Variants in SPIDR observed in about 807,000 individuals in gnomAD.
SPIDR encodes DNA repair-scaffolding protein.
In SPIDR, 93 loss-of-function variants were observed where a neutral mutation model predicts 104.6. The observed-to-expected ratio is 0.89, with a 90% CI of 0.75 to 1.06. The LOEUF is 1.06. SPIDR is among the 50% of genes least tolerant of loss of function. The pLI is 0.00. For missense variants in SPIDR, 1,154 were observed against 1,111.2 expected (o/e 1.04, Z -0.55); for synonymous variants, 431 against 416.9 (o/e 1.03, Z -0.41).
chr8:47,319,121 A>T lies in SPIDR; in HGVS notation c.525+25091A>T, dbSNP rs938106380. On this transcript the variant is annotated intron_variant, in intron 5 of 19. Coordinates refer to ENST00000297423, the MANE Select transcript of SPIDR (RefSeq NM_001080394.4). ...ATTAACCTTAAATGTAAATGGGCTA[A>T]ATGCTCCAATAAAAAGACACAGACT... is the stretch of plus-strand genomic sequence containing the variant. Among the ~76,000 whole-genome samples, 4 of 152,196 alleles carry T rather than the reference A, an allele frequency of 2.6e-5. No homozygotes were observed. The South Asian group carries it at 8.3e-4, about 31-fold the overall frequency.
At chr8:47,592,633 C>T in intron 8 of SPIDR, 1 of 1,077,084 alleles carries the variant, frequency 9.3e-7, no homozygotes, top group Non-Finnish European at 1.4e-6. Flanking sequence ...AGTTCGGCCT[C>T]TGGTCTAGTC....
At chr8:47,347,854 A>G (rs1398641033) in intron 5 of SPIDR, among the ~76,000 whole-genome samples, 1 of 151,770 alleles carries the variant, frequency 6.6e-6, no homozygotes, top group East Asian at 1.9e-4. Flanking sequence ...TTTGCAGGTG[A>G]GTTGGGTCTC....
At chr8:47,428,057 G>C (rs1017590968) in intron 7 of SPIDR, among the ~76,000 whole-genome samples, 1 of 152,198 alleles carries the variant, frequency 6.6e-6, no homozygotes, top group Non-Finnish European at 1.5e-5. Flanking sequence ...TGAGTAGTTG[G>C]GATTACAGAC....
intron 8 of SPIDR, among the ~76,000 whole-genome samples, chr8:47,460,675 C>T (rs782708810): frequency 1.1e-4 from 16 of 152,136 alleles, no homozygotes; most frequent in African/African-American, 2.4e-4. Flanking sequence ...ATGTGAGGTA[C>T]TGTTTCATTC....
chr8:47,598,266 G>A (rs1268285071), intron 9 of SPIDR, among the ~76,000 whole-genome samples: 1 of 152,220 alleles, frequency 6.6e-6, no homozygotes, highest in Non-Finnish European at 1.5e-5. Context: ...TCCTGCCTCA[G>A]CCACTTCCTG....
intron 8 of SPIDR, among the ~76,000 whole-genome samples, chr8:47,518,531 A>T (rs1227257603): frequency 6.6e-6 from 1 of 152,046 alleles, no homozygotes; most frequent in Non-Finnish European, 1.5e-5. Context: ...TGCTGAAGGC[A>T]TTGGGAAGCA....
chr8:47,632,525 T>C (rs2067219386), intron 10 of SPIDR, among the ~76,000 whole-genome samples: 1 of 152,178 alleles, frequency 6.6e-6, no homozygotes, highest in African/African-American at 2.4e-5. Context: ...ATTTTACATA[T>C]TATCTTCTAG....
intron 2 of SPIDR, among the ~76,000 whole-genome samples, chr8:47,280,660 G>T (rs893901309): frequency 6.6e-6 from 1 of 152,018 alleles, no homozygotes; most frequent in Non-Finnish European, 1.5e-5. Flanking sequence ...CCAAAGTGCT[G>T]GGATTACAGG....
At chr8:47,616,756 G>A (rs890602694) in intron 10 of SPIDR, among the ~76,000 whole-genome samples, 1 of 152,150 alleles carries the variant, frequency 6.6e-6, no homozygotes, top group African/African-American at 2.4e-5. Context: ...AGTTTCCCCT[G>A]TTGTTACATC....
chr8:47,552,683 C>T (rs534018862), intron 8 of SPIDR, among the ~76,000 whole-genome samples: 9 of 152,284 alleles, frequency 5.9e-5, no homozygotes, highest in South Asian at 2.1e-4. Context: ...CTCCTGAACA[C>T]AGCACACTGA....
At chr8:47,522,997 AT>A (rs1461514148) in intron 8 of SPIDR, among the ~76,000 whole-genome samples, 2 of 150,926 alleles carry the variant, frequency 1.3e-5, no homozygotes, top group African/African-American at 4.9e-5. Flanking sequence ...TTATTTATTT[AT>A]TTTATTTTAT....
intron 11 of SPIDR, among the ~76,000 whole-genome samples, chr8:47,675,319 A>G (rs1441403595): frequency 1.3e-5 from 2 of 152,200 alleles, no homozygotes; most frequent in Non-Finnish European, 2.9e-5. Flanking sequence ...TACAGGCGTG[A>G]GCTACCACGC....
intron 7 of SPIDR, among the ~76,000 whole-genome samples, chr8:47,418,951 C>A (rs1554677541): frequency 6.6e-6 from 1 of 152,216 alleles, no homozygotes; most frequent in Non-Finnish European, 1.5e-5. Context: ...ACCAGCCTTG[C>A]ATCCCATGGA....
chr8:47,582,392 T>C (rs911933179), intron 8 of SPIDR, among the ~76,000 whole-genome samples: 1 of 152,208 alleles, frequency 6.6e-6, no homozygotes, highest in African/African-American at 2.4e-5. Context: ...TAAACATCTT[T>C]CGTGAAACTG....
rs1554672160 is a variant in SPIDR, at chr8:47,412,154, A to G, written c.877+4193A>G. ...GCAATGCGGGCTCTTTTTTGGTTCC[A>G]TATGAACTTTCAAGTAGTTTTTTCC... On this transcript the variant is annotated intron_variant, in intron 7 of 19. Transcript: ENST00000297423. 2.0e-5 allele frequency among the ~76,000 whole-genome samples: 3 copies of G among 152,146 alleles called. No homozygotes were observed. In the South Asian group the frequency reaches 6.2e-4, roughly 31 times the overall value.
rs894753310 is a variant in SPIDR at position 47,480,560 on chromosome 8, A to G, written c.1097+40018A>G. Among the ~76,000 whole-genome samples the G allele has an allele frequency of 5.3e-5, 8 of 152,340 alleles. No homozygotes were observed. In the South Asian group the frequency reaches 1.4e-3, roughly 28 times the overall value. On this transcript the variant is annotated intron_variant, in intron 8 of 19. Coordinates refer to ENST00000297423, the MANE Select transcript of SPIDR (RefSeq NM_001080394.4). The stretch of plus-strand genomic sequence containing the variant: ...AGTGTTAGTGGGTAGTTGGTGGATG[A>G]CGTCAAATGTCAGAATGGTGAACAG...
chr8:47,300,143 C>T (rs1554576243), intron 5 of SPIDR, among the ~76,000 whole-genome samples: 2 of 152,076 alleles, frequency 1.3e-5, no homozygotes, highest in East Asian at 3.9e-4. Flanking sequence ...GTTATTGGTC[C>T]ATTCAGAGAT....
chr8:47,323,277 CA>C (rs1315865000), intron 5 of SPIDR, among the ~76,000 whole-genome samples: 9 of 152,072 alleles, frequency 5.9e-5, no homozygotes, highest in Non-Finnish European at 1.3e-4. Context: ...AAAATCTTCT[CA>C]GGGAACATAG....
rs893269236 is a variant in SPIDR, at chr8:47,271,121, C to T, written c.34-8741C>T. Among the ~76,000 whole-genome samples, 466 of 152,218 alleles carry T rather than the reference C, an allele frequency of 3.1e-3. 3 individuals carry two copies. The highest frequency in any genetic ancestry group is 0.011 in the African/African-American group (439 of 41,552). On this transcript the variant is annotated intron_variant, in intron 1 of 19. Transcript: ENST00000297423. Reference sequence around the variant, plus strand: ...TCCTTTGTATATGATGAGTTTTGTACATGACGTATATTTTCTTTTGCTACT... The same window carrying T: ...TCCTTTGTATATGATGAGTTTTGTATATGACGTATATTTTCTTTTGCTACT...
Sources: gnomAD v4.1 joint callset for allele counts (sites outside exome capture counted in the v4.1 genomes callset) on GRCh38, gnomAD v4.1.1 for gene constraint, MANE v1.5 for transcripts, NCBI Gene and HGNC (gene_info 2026-07-23, HGNC 2026-07-21) for gene names.